The following VPS13A variants were observed in gnomAD, a reference collection of about 807,000 sequenced individuals.
VPS13A encodes the protein intermembrane lipid transfer protein VPS13A.
A neutral mutation model predicts 390.9 loss-of-function variants in VPS13A; 264 were observed. The ratio of observed to expected loss-of-function variants is 0.68; its 90% CI spans 0.61 to 0.75. The LOEUF (loss-of-function observed/expected upper bound fraction) is 0.75, where lower values mean the gene tolerates loss of function less well. Ranked by LOEUF, VPS13A falls within the 30% of genes least tolerant of loss-of-function variation. The pLI is 0.00. For synonymous variants in VPS13A, 1,231 were observed against 1,227.1 expected, an observed-to-expected ratio of 1.00 and a Z score of -0.07; for missense variants, 3,409 against 3,733.9, an observed-to-expected ratio of 0.91 and a Z score of 2.27.
intron 68 of VPS13A, among the ~76,000 whole-genome samples, chr9:77,397,444 A>G (rs1245720389): frequency 3.9e-5 from 6 of 152,076 alleles, no homozygotes; most frequent in Non-Finnish European, 7.4e-5. Context: ...AATTTTCTTA[A>G]ATATATTTCC....
At chr9:77,381,326 G>C (rs1453404629) in intron 67 of VPS13A, among the ~76,000 whole-genome samples, 1 of 151,876 alleles carries the variant, frequency 6.6e-6, no homozygotes, top group Non-Finnish European at 1.5e-5. Flanking sequence ...CCAGGATTGG[G>C]GTATGTGTTT....
At chr9:77,331,945 T>C (rs1209516053) in intron 45 of VPS13A, 65 bp from the exon 46 acceptor site, 6 of 1,127,818 alleles carry the variant, frequency 5.3e-6, no homozygotes, top group Non-Finnish European at 8.1e-6. Context: ...ATGGACATAT[T>C]TTTTTTACAC....
intron 1 of VPS13A, among the ~76,000 whole-genome samples, chr9:77,191,773 A>T (rs1019292170): frequency 1.3e-5 from 2 of 151,996 alleles, no homozygotes; most frequent in Non-Finnish European, 2.9e-5. Context: ...TGGGATTTTT[A>T]ATTTGTTGAG....
chr9:77,295,853 T>G lies in VPS13A; in HGVS notation c.3812+7T>G, dbSNP rs748873912. 6.2e-7 allele frequency: 1 copy of G among 1,612,852 alleles called. No homozygotes were observed. Among genetic ancestry groups the G allele is most frequent in the Non-Finnish European group, 8.5e-7 (1 of 1,179,712 alleles). On this transcript the variant is annotated splice_region_variant and intron_variant, in intron 33 of 71. Coordinates refer to ENST00000360280, the MANE Select transcript of VPS13A (RefSeq NM_033305.3). ...GTGAAATGCGACTATACAGGTAAGC[T>G]TTTCACAAGTATATTTGTGTGGAAT... is the stretch of plus-strand genomic sequence containing the variant.
intron 35 of VPS13A, among the ~76,000 whole-genome samples, chr9:77,311,750 T>TA (rs1829090626): frequency 6.6e-6 from 1 of 152,208 alleles, no homozygotes; most frequent in Admixed American, 6.5e-5. Flanking sequence ...AATACAATGT[T>TA]ACACTCAGTT....
Position 77,339,904 on chromosome 9 carries a change from A to G in VPS13A, c.6767A>G (p.Asn2256Ser). ...FSFQPNHFFNNNKVQLMVTDS... is the reference protein window; with the variant it reads ...FSFQPNHFFNSNKVQLMVTDS... ...TTTCAGCCAAATCACTTTTTTAATA[A>G]CAATAAGGTATGCGATGTTTATTCT... The change falls in exon 48 of 72, where the codon AAC becomes AGC. Residue 2256 changes from asparagine (N) to serine (S), a missense_variant. This residue lies in a region of VPS13A where 2,717 missense variants were observed against 2,917.4 expected (regional missense o/e 0.93). Coordinates refer to ENST00000360280, the MANE Select transcript of VPS13A (RefSeq NM_033305.3). The G allele has an allele frequency of 6.2e-7, 1 of 1,610,270 alleles. No individual in the cohort carries two copies. Among genetic ancestry groups the G allele is most frequent in the Non-Finnish European group, 8.5e-7 (1 of 1,179,842 alleles).
intron 23 of VPS13A, among the ~76,000 whole-genome samples, chr9:77,266,627 C>T (rs558064579): frequency 4.6e-5 from 7 of 151,948 alleles, no homozygotes; most frequent in African/African-American, 7.3e-5. Context: ...GTGAATCTGA[C>T]GATTATGTGT....
chr9:77,359,378 G>A lies in VPS13A; in HGVS notation c.8081G>A (p.Gly2694Glu). ...GTCAGTATTGTCATGAGATCTGCAG[G>A]ACATTCCCAGATATCACGTATTAAG... Reference protein sequence around the residue: ...TDVSIVMRSAGHSQISRIKYF... With the variant: ...TDVSIVMRSAEHSQISRIKYF... Residue 2694 changes from glycine (G) to glutamate (E), a missense_variant, in exon 58 of 72, where the codon GGA becomes GAA. Around this residue, in one of 5 missense-constraint regions of VPS13A, gnomAD observed 221 missense variants for 300.7 expected, o/e 0.73. Transcript: ENST00000360280. 1 of 1,613,180 alleles carries A rather than the reference G, an allele frequency of 6.2e-7. No homozygotes were observed. Among genetic ancestry groups the A allele is most frequent in the Non-Finnish European group, 8.5e-7 (1 of 1,179,484 alleles).
intron 42 of VPS13A, 29 bp from the exon 43 acceptor site, chr9:77,321,140 C>G: frequency 6.3e-7 from 1 of 1,595,088 alleles, no homozygotes; most frequent in Non-Finnish European, 8.6e-7. Context: ...TAGAATTTTT[C>G]CTTATATTTC....
intron 61 of VPS13A, 97 bp downstream of exon 61, chr9:77,366,969 C>A: frequency 7.7e-7 from 1 of 1,295,352 alleles, no homozygotes; most frequent in Non-Finnish European, 1.1e-6. Flanking sequence ...AAGTACGTTG[C>A]AGATCATAGG....
chr9:77,205,296 T>C lies in VPS13A; in HGVS notation c.188-17T>C. The C allele has an allele frequency of 1.4e-6, 2 of 1,382,806 alleles. No homozygotes were observed. Among genetic ancestry groups the C allele is most frequent in the South Asian group, 2.8e-5 (2 of 71,468 alleles). The allele number at this position is 1,382,806 out of a possible 1,614,324, so 85.7% of individuals were successfully genotyped here. ...GTAATATTTTTTGTCCTTTTTTTTT[T>C]TCCCAAAAAAATGTAGGTAATCTTA... On this transcript the variant is annotated splice_polypyrimidine_tract_variant and intron_variant, in intron 3 of 71. Coordinates refer to ENST00000360280, the MANE Select transcript of VPS13A (RefSeq NM_033305.3).
chr9:77,264,833 G>A (rs1477891020), intron 23 of VPS13A, among the ~76,000 whole-genome samples: 1 of 152,142 alleles, frequency 6.6e-6, no homozygotes, highest in Non-Finnish European at 1.5e-5. Flanking sequence ...CCAATACTAT[G>A]TTGAATAGGA....
At chr9:77,355,925 G>A (rs1312901339) in intron 54 of VPS13A, among the ~76,000 whole-genome samples, 2 of 152,094 alleles carry the variant, frequency 1.3e-5, no homozygotes, top group Non-Finnish European at 2.9e-5. Context: ...AAGTTTTCCT[G>A]CTTCTAATCT....
At chr9:77,267,604 C>G (rs1587457404) in intron 23 of VPS13A, among the ~76,000 whole-genome samples, 1 of 152,294 alleles carries the variant, frequency 6.6e-6, no homozygotes, top group Middle Eastern at 3.4e-3. Flanking sequence ...TGTCTGTCGA[C>G]CCCTGCTGGG....
chr9:77,414,794 T>C (rs1264228917), intron 71 of VPS13A, among the ~76,000 whole-genome samples: 1 of 150,640 alleles, frequency 6.6e-6, no homozygotes, highest in African/African-American at 2.5e-5. Flanking sequence ...AGGACATTTC[T>C]CCTATACTTG....
Position 77,205,402 on chromosome 9 carries a change from T to C in VPS13A, c.277T>C (p.Ser93Pro). The change falls in exon 4 of 72, where the codon TCT becomes CCT. Residue 93 changes from serine to proline, a missense_variant. Physicochemically the swap from Ser to Pro is moderately conservative, Grantham distance 74. Around this residue, in one of 5 missense-constraint regions of VPS13A, gnomAD observed 2,717 missense variants for 2,917.4 expected, o/e 0.93. Transcript: ENST00000360280. ...LEEIYLLIVP[S>P]SRIKYDPLKE... ...AGAAATTTATTTACTTATAGTGCCT[T>C]CTTCTAGTAAGTTAAATTTAAAAAA... 1.5e-6 allele frequency: 2 copies of C among 1,370,556 alleles called. No homozygotes were observed. The highest frequency in any genetic ancestry group is 2.6e-5 in the East Asian group (1 of 38,664). The allele number at this position is 1,370,556 out of a possible 1,614,324, so 84.9% of individuals were successfully genotyped here.
At chr9:77,353,868 T>C (rs1240158130) in intron 54 of VPS13A, among the ~76,000 whole-genome samples, 1 of 152,098 alleles carries the variant, frequency 6.6e-6, no homozygotes, top group African/African-American at 2.4e-5. Flanking sequence ...ATCCTTCCAC[T>C]TATCTAAAAA....
chr9:77,366,261 A>G (rs997102747), intron 60 of VPS13A, among the ~76,000 whole-genome samples: 3 of 152,026 alleles, frequency 2.0e-5, no homozygotes, highest in East Asian at 1.9e-4. Flanking sequence ...CACAATGCCT[A>G]TTTTCTAATA....
intron 34 of VPS13A, chr9:77,305,625 C>T: frequency 5.1e-6 from 1 of 195,564 alleles, no homozygotes; most frequent in South Asian, 9.5e-5. Flanking sequence ...CCTTTTGAGG[C>T]CAACCCTCTA....
Sources: allele counts gnomAD v4.1 joint callset (sites outside exome capture counted in the v4.1 genomes callset), GRCh38; gene constraint gnomAD v4.1.1; regional missense constraint gnomAD v4.1.1; transcripts MANE v1.5; gene names NCBI Gene and HGNC (gene_info 2026-07-23, HGNC 2026-07-21).